Variants in PDZD2 observed in about 807,000 individuals in gnomAD.
The protein encoded by PDZD2 is PDZ domain containing 2.
Under a neutral mutation model 220.7 loss-of-function variants are expected in PDZD2, and 90 were observed. The observed-to-expected ratio is 0.41, with a 90% CI of 0.34 to 0.49. The LOEUF (loss-of-function observed/expected upper bound fraction) is 0.49, where lower values mean the gene tolerates loss of function less well. Among genes scored for constraint, PDZD2 ranks in the 20% least tolerant of loss-of-function variants. The pLI, the probability that PDZD2 is intolerant of heterozygous loss-of-function variation, is 0.28. For missense variants in PDZD2, 3,174 were observed against 3,608.5 expected (o/e 0.88, Z 3.08); for synonymous variants, 1,375 against 1,450.5 (o/e 0.95, Z 1.18).
chr5:31,878,633 C>T (rs1739558034), intron 2 of PDZD2, among the ~76,000 whole-genome samples: 1 of 134,998 alleles, frequency 7.4e-6, no homozygotes, highest in African/African-American at 2.7e-5. Context: ...GATCTCGGCT[C>T]ACTGCAGGCT....
At chr5:32,101,289 A>G (rs758370953) in intron 24 of PDZD2, 50 bp downstream of exon 24, 2 of 1,504,306 alleles carry the variant, frequency 1.3e-6, no homozygotes, top group East Asian at 2.3e-5. Flanking sequence ...TCATTTTTCC[A>G]TGGATGTCTC....
chr5:32,098,004 A>G lies in PDZD2; in HGVS notation c.7948-360A>G, dbSNP rs142766797. ...CACGGTGGCTCACGCCTGTAATCCC[A>G]GCACTTTGGGAGGTCGAGGCGGGTG... is the stretch of plus-strand genomic sequence containing the variant. On this transcript the variant is annotated intron_variant, in intron 22 of 24. Transcript: ENST00000438447. This position sits in a 1 kb window ranked among gnomAD's most constrained non-coding sequence, Gnocchi z 4.1. Among the ~76,000 whole-genome samples, 3,366 of 152,312 alleles carry G rather than the reference A, an allele frequency of 0.022. 138 individuals carry two copies. The highest frequency in any genetic ancestry group is 0.078 in the African/African-American group (3,224 of 41,568).
intron 6 of PDZD2, among the ~76,000 whole-genome samples, chr5:32,029,362 A>G (rs190957652): frequency 0.011 from 1,162 of 109,438 alleles, 17 homozygotes; most frequent in African/African-American, 0.035. Context: ...AAGCTTTTCC[A>G]CTATAGTTTC....
At chr5:32,068,123 ATTC>A (rs1018910411) in intron 14 of PDZD2, among the ~76,000 whole-genome samples, 1 of 148,164 alleles carries the variant, frequency 6.7e-6, no homozygotes, top group African/African-American at 2.6e-5. Flanking sequence ...GAAGGAAATC[ATTC>A]TTGTACTTTT....
intron 2 of PDZD2, among the ~76,000 whole-genome samples, chr5:31,977,064 C>T (rs1749856151): frequency 6.6e-6 from 1 of 151,028 alleles, no homozygotes; most frequent in Non-Finnish European, 1.5e-5. Context: ...TGCCATGTTG[C>T]CCAGGCTGGT....
At chr5:31,987,414 G>A (rs1750806440) in intron 3 of PDZD2, among the ~76,000 whole-genome samples, 1 of 152,166 alleles carries the variant, frequency 6.6e-6, no homozygotes, top group Non-Finnish European at 1.5e-5. Context: ...CTGCAGAAAC[G>A]AGTAGAAAAC....
chr5:31,881,326 A>ATGTGTG (rs67969355), intron 2 of PDZD2, among the ~76,000 whole-genome samples: 359 of 123,228 alleles, frequency 2.9e-3, no homozygotes, highest in Admixed American at 3.5e-3. Context: ...TTCCATATAT[A>ATGTGTG]TGTGTGTGTG....
At chr5:31,946,127 T>G (rs1446014820) in intron 2 of PDZD2, among the ~76,000 whole-genome samples, 3 of 152,200 alleles carry the variant, frequency 2.0e-5, no homozygotes, top group African/African-American at 7.2e-5. Context: ...CTCAACCTCT[T>G]GAGTAGCTAG....
At chr5:31,827,715 A>AGAG (rs59061500) in intron 2 of PDZD2, among the ~76,000 whole-genome samples, 1 of 147,618 alleles carries the variant, frequency 6.8e-6, no homozygotes, top group Admixed American at 6.7e-5. Flanking sequence ...AAATAAAAAA[A>AGAG]TAAAAATAAT....
chr5:31,832,414 T>C (rs949746411), intron 2 of PDZD2: 6 of 152,144 alleles, frequency 3.9e-5, no homozygotes, highest in African/African-American at 1.4e-4. Context: ...TTCAAAAGGG[T>C]GCTTGCTTAA....
intron 1 of PDZD2, among the ~76,000 whole-genome samples, chr5:31,732,123 C>T (rs1042195994): frequency 4.6e-5 from 7 of 152,202 alleles, no homozygotes; most frequent in South Asian, 2.1e-4. Flanking sequence ...AGAGGAGGGG[C>T]GCCTTACCTC....
chr5:31,740,855 G>A (rs187991659), intron 1 of PDZD2, among the ~76,000 whole-genome samples: 4 of 152,188 alleles, frequency 2.6e-5, no homozygotes, highest in East Asian at 1.9e-4. Context: ...TCATTTCTTT[G>A]GGGCATTGTC....
intron 2 of PDZD2, among the ~76,000 whole-genome samples, chr5:31,800,588 C>T (rs760172124): frequency 2.0e-5 from 3 of 152,214 alleles, no homozygotes; most frequent in Admixed American, 6.5e-5. Flanking sequence ...TATACAAAGA[C>T]ACTCTTGTCA....
chr5:31,885,707 G>A (rs1740396135), intron 2 of PDZD2, among the ~76,000 whole-genome samples: 1 of 152,050 alleles, frequency 6.6e-6, no homozygotes, highest in South Asian at 2.1e-4. Context: ...ACATAGTATA[G>A]CATAAGTACA....
intron 2 of PDZD2, chr5:31,854,962 G>A (rs1428770769): frequency 1.0e-6 from 1 of 985,448 alleles, no homozygotes; most frequent in African/African-American, 1.7e-5. Context: ...AGCAGCCTTC[G>A]GGAAGTCCTG....
chr5:31,759,984 T>C (rs1171898454), intron 1 of PDZD2, among the ~76,000 whole-genome samples: 1 of 152,216 alleles, frequency 6.6e-6, no homozygotes, highest in Non-Finnish European at 1.5e-5. Flanking sequence ...TTACACAGCA[T>C]CTTCCAACCT....
intron 2 of PDZD2, chr5:31,936,010 G>A: frequency 2.6e-6 from 2 of 783,746 alleles, no homozygotes; most frequent in Non-Finnish European, 3.1e-6. Context: ...GGCAGGGCAA[G>A]GATTGGCTCC....
At chr5:32,059,094 A>G (rs1739421692) in intron 12 of PDZD2, 145 bp from the exon 13 acceptor site, 6 of 577,692 alleles carry the variant, frequency 1.0e-5, no homozygotes, top group Non-Finnish European at 1.8e-5. Flanking sequence ...GACAAGGAAA[A>G]GCTGGATTTA....
chr5:31,839,711 T>C (rs1239848635), intron 2 of PDZD2, among the ~76,000 whole-genome samples: 4 of 152,128 alleles, frequency 2.6e-5, no homozygotes, highest in Admixed American at 2.0e-4. Flanking sequence ...CACCCAAATC[T>C]CATCTTGAAT....
Sources: gnomAD v4.1 joint callset for allele counts (sites outside exome capture counted in the v4.1 genomes callset) on GRCh38, gnomAD v4.1.1 for gene constraint, Gnocchi (gnomAD v3.1) non-coding constraint, MANE v1.5 for transcripts, NCBI Gene and HGNC (gene_info 2026-07-23, HGNC 2026-07-21) for gene names.